The following PAMR1 variants were observed in gnomAD, a reference collection of about 807,000 sequenced individuals.
PAMR1 encodes inactive serine protease PAMR1.
A neutral mutation model predicts 81.8 loss-of-function variants in PAMR1; 88 were observed. That is an observed-to-expected ratio of 1.08 (90% CI 0.91 to 1.28). The LOEUF (loss-of-function observed/expected upper bound fraction) is 1.28. Among genes scored for constraint, PAMR1 ranks in the 50% most tolerant of loss-of-function variants. The pLI, the probability that PAMR1 is intolerant of heterozygous loss-of-function variation, is 0.00. For missense variants in PAMR1, 935 were observed against 919.7 expected (o/e 1.02, Z -0.21); for synonymous variants, 336 against 345.3 (o/e 0.97, Z 0.30).
intron 1 of PAMR1, among the ~76,000 whole-genome samples, chr11:35,508,948 T>C (rs1288868472): frequency 9.2e-5 from 14 of 152,312 alleles, no homozygotes; most frequent in Admixed American, 4.6e-4. Flanking sequence ...GAGTCTACCA[T>C]TGATGGGCAT....
upstream of PAMR1, among the ~76,000 whole-genome samples, chr11:35,528,285 G>C (rs1400708571): frequency 6.6e-6 from 1 of 152,110 alleles, no homozygotes; most frequent in East Asian, 1.9e-4. Flanking sequence ...TCTCTACCAG[G>C]ACGGACAGAA....
intron 8 of PAMR1, 118 bp downstream of exon 8, chr11:35,439,509 T>C: frequency 1.2e-6 from 1 of 843,022 alleles, no homozygotes; most frequent in East Asian, 2.4e-5. Flanking sequence ...CAGTTAGCAC[T>C]AAATGTCCCT....
intron 5 of PAMR1, 118 bp downstream of exon 5, chr11:35,470,483 T>C (rs1409707776): frequency 1.0e-5 from 8 of 785,904 alleles, no homozygotes; most frequent in African/African-American, 1.7e-5. Context: ...AGGCTGTTTC[T>C]AAGAACACAG....
At chr11:35,484,966 A>C (rs1346929725) in intron 3 of PAMR1, among the ~76,000 whole-genome samples, 7 of 152,232 alleles carry the variant, frequency 4.6e-5, no homozygotes, top group Admixed American at 4.6e-4. Flanking sequence ...AAGAAACCCT[A>C]AGAGGAAGCC....
At chr11:35,517,044 C>T (rs589475) in intron 1 of PAMR1, among the ~76,000 whole-genome samples, 64,951 of 151,946 alleles carry the variant, frequency 0.43, 15,385 homozygotes, top group African/African-American at 0.63. Context: ...TGTAGACTGA[C>T]GATAATTGTA....
At chr11:35,466,709 A>G (rs1038530705) in intron 6 of PAMR1, among the ~76,000 whole-genome samples, 1 of 138,720 alleles carries the variant, frequency 7.2e-6, no homozygotes, top group Non-Finnish European at 1.5e-5. Context: ...CCTGGGCGAC[A>G]GAGAGAGGCT....
chr11:35,438,244 CT>C (rs1449747286), intron 8 of PAMR1, among the ~76,000 whole-genome samples: 1 of 152,122 alleles, frequency 6.6e-6, no homozygotes, highest in Non-Finnish European at 1.5e-5. Flanking sequence ...CAGTTTACCC[CT>C]CTGTAATATA....
At chr11:35,461,608 A>AT (rs35113669) in intron 6 of PAMR1, among the ~76,000 whole-genome samples, 17,202 of 151,278 alleles carry the variant, frequency 0.11, 1,311 homozygotes, top group Non-Finnish European at 0.18. Context: ...TTTCCCCAAA[A>AT]TTAAAAAAAA....
chr11:35,495,291 C>G (rs1850705324), intron 1 of PAMR1, among the ~76,000 whole-genome samples: 1 of 151,942 alleles, frequency 6.6e-6, no homozygotes, highest in Non-Finnish European at 1.5e-5. Context: ...AACTCATTAG[C>G]CCAACTTCAT....
chr11:35,493,492 C>T (rs769142317), intron 2 of PAMR1, among the ~76,000 whole-genome samples: 12 of 152,062 alleles, frequency 7.9e-5, no homozygotes, highest in Non-Finnish European at 1.8e-4. Context: ...TTTCTCCTGC[C>T]GGACTGTGCT....
Position 35,432,723 on chromosome 11 carries a change from G to A in PAMR1, c.1796C>T (p.Ala599Val), listed in dbSNP as rs1428287598. Reference protein sequence around the residue: ...TSFQESHITVAGWNVLADVRS... With the variant: ...TSFQESHITVVGWNVLADVRS... ...CACGTCTGCCAGGACATTCCAGCCA[G>A]CCACAGTGATGTGGGACTCCTGGAA... The change falls in exon 11 of 11, where the codon GCT becomes GTT. Residue 599 changes from alanine to valine, a missense_variant. By Grantham distance (64) the Ala-to-Val change is moderately conservative (BLOSUM62 0). Transcript: ENST00000619888. The A allele has an allele frequency of 4.3e-6, 7 of 1,614,120 alleles. No homozygotes were observed. Among genetic ancestry groups the A allele is most frequent in the Non-Finnish European group, 5.9e-6 (7 of 1,179,976 alleles).
upstream of PAMR1, among the ~76,000 whole-genome samples, chr11:35,526,675 G>A (rs1022401014): frequency 1.3e-5 from 2 of 152,200 alleles, no homozygotes; most frequent in African/African-American, 2.4e-5. Flanking sequence ...GGGCAGCTTA[G>A]GCCCACAGGC....
At chr11:35,522,104 A>C (rs1047599502) in intron 1 of PAMR1, among the ~76,000 whole-genome samples, 1 of 152,050 alleles carries the variant, frequency 6.6e-6, no homozygotes, top group Non-Finnish European at 1.5e-5. Flanking sequence ...TTGTATTTTT[A>C]GTAGAGACAG....
chr11:35,526,770 T>G (rs1851402852), upstream of PAMR1, among the ~76,000 whole-genome samples: 1 of 152,230 alleles, frequency 6.6e-6, no homozygotes, highest in South Asian at 2.1e-4. Flanking sequence ...GGCTTCGCTG[T>G]GTCCCCACCC....
chr11:35,436,075 G>A lies in PAMR1; in HGVS notation c.1161C>T (p.Ala387=). Reference sequence around the variant, plus strand: ...AGGGAAGGGCTGGCTTCTTGGTAGGGGCACTCTGCAGTTTCTGCTTGCTGA... The same window carrying A: ...AGGGAAGGGCTGGCTTCTTGGTAGGAGCACTCTGCAGTTTCTGCTTGCTGA... The part of the protein sequence containing the change: ...AAFSKQKLQS[A]PTKKPALPFG... The change falls in exon 9 of 11, where the codon GCC becomes GCT. Residue 387 remains alanine (A), a synonymous_variant. Transcript: ENST00000619888. 9.3e-6 allele frequency: 15 copies of A among 1,614,154 alleles called. No homozygotes were observed. The highest frequency in any genetic ancestry group is 1.2e-5 in the Non-Finnish European group (14 of 1,180,026).
intron 1 of PAMR1, among the ~76,000 whole-genome samples, chr11:35,517,167 G>C (rs772850304): frequency 5.9e-5 from 9 of 152,120 alleles, no homozygotes; most frequent in African/African-American, 1.9e-4. Flanking sequence ...TTTGCCAAAT[G>C]ATCCAAGACC....
At chr11:35,521,946 A>G (rs561087116) in intron 1 of PAMR1, among the ~76,000 whole-genome samples, 54 of 151,718 alleles carry the variant, frequency 3.6e-4, no homozygotes, top group South Asian at 1.0e-3. Context: ...TTTTGGAGAC[A>G]GAGTCTCACT....
At chr11:35,469,813 T>A (rs962038419) in intron 5 of PAMR1, among the ~76,000 whole-genome samples, 7 of 150,142 alleles carry the variant, frequency 4.7e-5, no homozygotes, top group East Asian at 1.9e-4. Context: ...TTTTTTTTTT[T>A]AAATCAAACT....
At chr11:35,497,386 A>G (rs914323355) in intron 1 of PAMR1, among the ~76,000 whole-genome samples, 1 of 152,174 alleles carries the variant, frequency 6.6e-6, no homozygotes, top group African/African-American at 2.4e-5. Context: ...ATTCATAGAG[A>G]CAGAAAGTAG....
Sources: gnomAD v4.1 joint callset for allele counts (sites outside exome capture counted in the v4.1 genomes callset) on GRCh38, gnomAD v4.1.1 for gene constraint, MANE v1.5 for transcripts, NCBI Gene and HGNC (gene_info 2026-07-23, HGNC 2026-07-21) for gene names.